The following LRP1B variants were observed in gnomAD, a reference collection of about 807,000 sequenced individuals.
LRP1B encodes the protein LDL receptor related protein 1B.
LRP1B carries 217 observed loss-of-function variants against 556.6 expected under a neutral mutation model. That is an observed-to-expected ratio of 0.39 (90% confidence interval 0.35 to 0.44). The LOEUF is 0.44. LRP1B is among the 20% of genes least tolerant of loss of function. The pLI is 1.00. For missense variants in LRP1B, 5,053 were observed against 5,620.8 expected (o/e 0.90, Z 3.23); for synonymous variants, 2,047 against 1,865.8 (o/e 1.10, Z -2.50).
intron 2 of LRP1B, among the ~76,000 whole-genome samples, chr2:141,595,730 G>C (rs1004120357): frequency 2.0e-5 from 3 of 151,998 alleles, no homozygotes; most frequent in African/African-American, 7.2e-5. Flanking sequence ...GGTTCCCGTT[G>C]CCATCACAAG....
At chr2:141,257,532 TGAG>T (rs2105345784) in intron 3 of LRP1B, among the ~76,000 whole-genome samples, 1 of 152,240 alleles carries the variant, frequency 6.6e-6, no homozygotes, top group South Asian at 2.1e-4. Context: ...TATGGAAAGT[TGAG>T]GAGAAATACA....
chr2:141,238,859 A>T (rs551518477), intron 5 of LRP1B, among the ~76,000 whole-genome samples: 15 of 152,252 alleles, frequency 9.9e-5, no homozygotes, highest in African/African-American at 3.6e-4. Flanking sequence ...AAAGAGCATT[A>T]TTAAGATAGA....
chr2:141,213,562 G>A (rs988190306), intron 6 of LRP1B, among the ~76,000 whole-genome samples: 2 of 152,138 alleles, frequency 1.3e-5, no homozygotes, highest in African/African-American at 4.8e-5. Flanking sequence ...AACCCACACA[G>A]ACATGAGAGA....
chr2:141,548,022 A>G (rs1685614863), intron 2 of LRP1B, among the ~76,000 whole-genome samples: 1 of 152,180 alleles, frequency 6.6e-6, no homozygotes. Context: ...AGAAGATGAT[A>G]TTTGCTGTAT....
rs550389499 is a variant in LRP1B, at chr2:142,112,299, G to A, written c.82+18349C>T. Among the ~76,000 whole-genome samples the A allele has an allele frequency of 7.2e-5, 11 of 152,012 alleles. No individual in the cohort carries two copies. The South Asian group carries it at 8.3e-4, about 11-fold the overall frequency. ...GAACATTGAATATTCTATAAGTGAC[G>A]GAATCATTTCAAAAGGTCAAACTCA... On this transcript the variant is annotated intron_variant, in intron 1 of 90. Transcript: ENST00000389484.
chr2:140,973,003 A>G (rs1202229386), intron 18 of LRP1B, among the ~76,000 whole-genome samples: 6 of 147,284 alleles, frequency 4.1e-5, no homozygotes, highest in South Asian at 2.1e-4. Flanking sequence ...TTACATATGT[A>G]ACATGTTTAG....
At chr2:140,801,444 G>A (rs969238167) in intron 32 of LRP1B, among the ~76,000 whole-genome samples, 4 of 152,156 alleles carry the variant, frequency 2.6e-5, no homozygotes, top group African/African-American at 9.7e-5. Context: ...GCACATGACT[G>A]AAGTAGGGAT....
At chr2:141,552,432 A>T (rs1158367778) in intron 2 of LRP1B, among the ~76,000 whole-genome samples, 1 of 152,074 alleles carries the variant, frequency 6.6e-6, no homozygotes, top group African/African-American at 2.4e-5. Context: ...CTTAAAACAA[A>T]TCATAGACTC....
In LRP1B at chr2:141,005,467, G is replaced by A. The variant is rs1235028010; in HGVS notation, c.2381-10C>T. On this transcript the variant is annotated splice_polypyrimidine_tract_variant and intron_variant, in intron 14 of 90. Coordinates refer to ENST00000389484, the MANE Select transcript of LRP1B (RefSeq NM_018557.3). ...CGGCACATATTGTCACCTGCAAGAG[G>A]AAGAAAGCAAATGTGTCAGAGAACT... The A allele has an allele frequency of 3.1e-6, 5 of 1,608,312 alleles. No homozygotes were observed. In the South Asian group the frequency reaches 4.4e-5, roughly 14 times the overall value.
At chr2:141,998,189 T>C (rs1340552958) in intron 1 of LRP1B, among the ~76,000 whole-genome samples, 1 of 152,196 alleles carries the variant, frequency 6.6e-6, no homozygotes. Flanking sequence ...AGACTAAATT[T>C]AAAACTATCT....
At chr2:142,104,337 G>A (rs982228532) in intron 1 of LRP1B, among the ~76,000 whole-genome samples, 2 of 152,052 alleles carry the variant, frequency 1.3e-5, no homozygotes, top group Non-Finnish European at 2.9e-5. Context: ...CAATACTGAT[G>A]CATAAAATGA....
chr2:141,647,517 C>A (rs541120314), intron 2 of LRP1B, among the ~76,000 whole-genome samples: 5 of 152,234 alleles, frequency 3.3e-5, no homozygotes, highest in African/African-American at 9.6e-5. Flanking sequence ...GCTTGATTAT[C>A]GTGGTTGAGA....
chr2:140,830,830 A>C (rs1020449458), intron 31 of LRP1B, among the ~76,000 whole-genome samples: 1 of 152,112 alleles, frequency 6.6e-6, no homozygotes, highest in South Asian at 2.1e-4. Flanking sequence ...TCCCCACCAA[A>C]AATCTATTAG....
chr2:141,345,839 G>A (rs947911725), intron 3 of LRP1B, among the ~76,000 whole-genome samples: 2 of 151,788 alleles, frequency 1.3e-5, no homozygotes, highest in Non-Finnish European at 2.9e-5. Flanking sequence ...AACACCTATA[G>A]ATTTAGAAAA....
At chr2:141,238,884 T>C (rs1215626676) in intron 5 of LRP1B, among the ~76,000 whole-genome samples, 1 of 152,036 alleles carries the variant, frequency 6.6e-6, no homozygotes, top group Non-Finnish European at 1.5e-5. Context: ...CAAAAGTTCA[T>C]AGAGTTTGAT....
chr2:142,056,267 C>A (rs1410234178), intron 1 of LRP1B, among the ~76,000 whole-genome samples: 1 of 151,702 alleles, frequency 6.6e-6, no homozygotes, highest in Non-Finnish European at 1.5e-5. Context: ...TTATAAAAAC[C>A]AACTCTCTTT....
intron 23 of LRP1B, among the ~76,000 whole-genome samples, chr2:140,899,302 A>C (rs1428219819): frequency 6.6e-6 from 1 of 152,170 alleles, no homozygotes. Flanking sequence ...AGCTAAAAGA[A>C]AGGAAACCAG....
Position 140,555,625 on chromosome 2 carries a change from A to G in LRP1B, c.7195-13654T>C, listed in dbSNP as rs181493553. ...ATAAGTTGGTTTAGACCTGTTAAAT[A>G]AGCTTTAAAATCTTAAATATTCTTT... is the stretch of plus-strand genomic sequence containing the variant. On this transcript the variant is annotated intron_variant, in intron 43 of 90. Coordinates refer to ENST00000389484, the MANE Select transcript of LRP1B (RefSeq NM_018557.3). 3.1e-3 allele frequency among the ~76,000 whole-genome samples: 477 copies of G among 152,264 alleles called. 2 individuals are homozygous for G. Among genetic ancestry groups the G allele is most frequent in the South Asian group, 5.2e-3 (25 of 4,830 alleles).
chr2:140,793,092 G>T (rs1249035373), intron 32 of LRP1B, among the ~76,000 whole-genome samples: 1 of 151,918 alleles, frequency 6.6e-6, no homozygotes, highest in Non-Finnish European at 1.5e-5. Flanking sequence ...AAAGTGAAAG[G>T]CAGTTTATAT....
Sources: gnomAD v4.1 joint callset for allele counts (sites outside exome capture counted in the v4.1 genomes callset) on GRCh38, gnomAD v4.1.1 for gene constraint, MANE v1.5 for transcripts, NCBI Gene and HGNC (gene_info 2026-07-23, HGNC 2026-07-21) for gene names.